GPC6: variants seen among roughly 807,000 people sequenced by gnomAD.
GPC6 encodes glypican 6.
GPC6 carries 14 observed loss-of-function variants against 55.2 expected under a neutral mutation model. The observed-to-expected ratio is 0.25, with a 90% CI of 0.17 to 0.40. GPC6 has a LOEUF of 0.40. Ranked by LOEUF, GPC6 falls within the 10% of genes least tolerant of loss-of-function variation. The pLI, the probability that GPC6 is intolerant of heterozygous loss-of-function variation, is 1.00. For missense variants in GPC6, 641 were observed against 708.5 expected (o/e 0.90, Z 1.08); for synonymous variants, 278 against 259.6 (o/e 1.07, Z -0.68).
At chr13:93,428,415 A>G (rs1208257592) in intron 1 of GPC6, among the ~76,000 whole-genome samples, 2 of 152,134 alleles carry the variant, frequency 1.3e-5, no homozygotes, top group Admixed American at 6.6e-5. Flanking sequence ...AGTTTATCCA[A>G]AGAGCTCAGA....
At chr13:93,795,493 T>C (rs938378201) in intron 2 of GPC6, among the ~76,000 whole-genome samples, 11 of 152,162 alleles carry the variant, frequency 7.2e-5, no homozygotes, top group African/African-American at 1.4e-4. Flanking sequence ...AAATGTGTCA[T>C]ATATGTAGAA....
chr13:93,957,155 T>C (rs1302353932), intron 3 of GPC6, among the ~76,000 whole-genome samples: 1 of 152,186 alleles, frequency 6.6e-6, no homozygotes, highest in Non-Finnish European at 1.5e-5. Context: ...TAGCTTATTA[T>C]ATGATCTGTA....
At chr13:93,919,598 A>C (rs563284661) in intron 3 of GPC6, among the ~76,000 whole-genome samples, 6 of 152,216 alleles carry the variant, frequency 3.9e-5, no homozygotes, top group Non-Finnish European at 7.3e-5. Context: ...GGGCCTCTGA[A>C]AGGAAGCATT....
chr13:93,479,509 C>T (rs779076064), intron 1 of GPC6, among the ~76,000 whole-genome samples: 2 of 152,032 alleles, frequency 1.3e-5, no homozygotes, highest in African/African-American at 2.4e-5. Flanking sequence ...AAGGGCTCGA[C>T]GTGGTGGCTC....
At chr13:93,950,490 G>A (rs780151451) in intron 3 of GPC6, among the ~76,000 whole-genome samples, 26 of 152,100 alleles carry the variant, frequency 1.7e-4, no homozygotes, top group Non-Finnish European at 2.9e-4. Context: ...CTTCTGACCG[G>A]TATATTCAGA....
At position 94,165,191 on chromosome 13, in the gene GPC6, G is replaced by A. The variant is rs184797338; in HGVS notation, c.878-121158G>A. ...AGTGGATAAAGAAATTGTGATATAT[G>A]TATGTGTGTGTGTGTGTATATATAT... On this transcript the variant is annotated intron_variant, in intron 4 of 8. Transcript: ENST00000377047. Among the ~76,000 whole-genome samples the A allele has an allele frequency of 2.8e-3, 411 of 147,152 alleles. 4 individuals carry two copies. The highest frequency in any genetic ancestry group is 9.7e-3 in the African/African-American group (385 of 39,810).
chr13:94,336,681 C>G (rs745623118), intron 6 of GPC6, among the ~76,000 whole-genome samples: 6 of 151,450 alleles, frequency 4.0e-5, no homozygotes, highest in Non-Finnish European at 1.5e-5. Context: ...GCTTTCTCTG[C>G]AACAACAACA....
chr13:93,931,320 G>A (rs946240122), intron 3 of GPC6, among the ~76,000 whole-genome samples: 4 of 151,686 alleles, frequency 2.6e-5, no homozygotes, highest in Non-Finnish European at 5.9e-5. Flanking sequence ...AAGGGGTGGA[G>A]GTACCATTCA....
intron 5 of GPC6, among the ~76,000 whole-genome samples, chr13:94,291,076 C>T (rs1161508451): frequency 1.3e-5 from 2 of 152,140 alleles, no homozygotes; most frequent in African/African-American, 2.4e-5. Flanking sequence ...CCTGTTAATC[C>T]CAGCTACTCA....
intron 1 of GPC6, among the ~76,000 whole-genome samples, chr13:93,471,518 C>T: frequency 6.6e-6 from 1 of 152,036 alleles, no homozygotes; most frequent in Non-Finnish European, 1.5e-5. Context: ...GAGACTCCAT[C>T]TCAAAAGAAA....
intron 1 of GPC6, among the ~76,000 whole-genome samples, chr13:93,366,450 T>C (rs1279456703): frequency 2.0e-5 from 3 of 152,068 alleles, no homozygotes; most frequent in Non-Finnish European, 4.4e-5. Context: ...TTGCAGATAA[T>C]GTAGAAGAGG....
chr13:93,387,408 G>A (rs1317045463), intron 1 of GPC6, among the ~76,000 whole-genome samples: 1 of 152,056 alleles, frequency 6.6e-6, no homozygotes, highest in Non-Finnish European at 1.5e-5. Context: ...TCCCACTTAT[G>A]AGTGAGAACA....
intron 3 of GPC6, among the ~76,000 whole-genome samples, chr13:93,911,496 A>T (rs1252035694): frequency 1.3e-5 from 2 of 151,930 alleles, no homozygotes; most frequent in Non-Finnish European, 2.9e-5. Context: ...AATTACAAGG[A>T]TGTGAGGCAT....
At chr13:93,768,375 G>C (rs946513303) in intron 2 of GPC6, among the ~76,000 whole-genome samples, 1 of 152,100 alleles carries the variant, frequency 6.6e-6, no homozygotes, top group Non-Finnish European at 1.5e-5. Context: ...TCCATAGCAC[G>C]TACAGTTGTC....
At chr13:93,239,061 G>A (rs185260810) in intron 1 of GPC6, among the ~76,000 whole-genome samples, 59 of 151,870 alleles carry the variant, frequency 3.9e-4, no homozygotes, top group African/African-American at 1.3e-3. Context: ...TTTTTTTGTC[G>A]TGTCTTTCCT....
chr13:94,173,701 G>C (rs1466636759), intron 4 of GPC6, among the ~76,000 whole-genome samples: 1 of 152,144 alleles, frequency 6.6e-6, no homozygotes, highest in Non-Finnish European at 1.5e-5. Context: ...AACATCACTA[G>C]TTCCAGTCAC....
At chr13:93,771,586 A>G (rs895015345) in intron 2 of GPC6, among the ~76,000 whole-genome samples, 9 of 152,150 alleles carry the variant, frequency 5.9e-5, no homozygotes, top group African/African-American at 1.9e-4. Context: ...TTGTTTCCTC[A>G]TTTGCCATTT....
intron 2 of GPC6, among the ~76,000 whole-genome samples, chr13:93,595,017 T>C (rs1279853877): frequency 6.6e-6 from 1 of 152,130 alleles, no homozygotes; most frequent in Admixed American, 6.5e-5. Flanking sequence ...TAGGGCCTTG[T>C]TTTTTAATCA....
At chr13:94,004,841 G>C (rs1437404190) in intron 3 of GPC6, among the ~76,000 whole-genome samples, 1 of 151,974 alleles carries the variant, frequency 6.6e-6, no homozygotes, top group Non-Finnish European at 1.5e-5. Context: ...CAGGTCACCT[G>C]AAGTCAGGAG....
Sources: allele counts gnomAD v4.1 joint callset (sites outside exome capture counted in the v4.1 genomes callset), GRCh38; gene constraint gnomAD v4.1.1; transcripts MANE v1.5; gene names NCBI Gene and HGNC (gene_info 2026-07-23, HGNC 2026-07-21).